The following WDR54 variants were observed in gnomAD, a reference collection of about 807,000 sequenced individuals.
WDR54 encodes WD repeat-containing protein 54.
In WDR54, 44 loss-of-function variants were observed where a neutral mutation model predicts 44.1. The ratio of observed to expected loss-of-function variants is 1.00; its 90% CI spans 0.78 to 1.28. The LOEUF is 1.28. WDR54 is among the 50% of genes most tolerant of loss of function. The pLI, the probability that WDR54 is intolerant of heterozygous loss-of-function variation, is 0.00. For synonymous variants in WDR54, 169 were observed against 169.8 expected (o/e 1.00, Z 0.04); for missense variants, 409 against 429.7 (o/e 0.95, Z 0.43).
chr2:74,422,765 C>G, intron 2 of WDR54, 105 bp from the exon 3 acceptor site: 2 of 1,135,212 alleles, frequency 1.8e-6, no homozygotes, highest in Non-Finnish European at 2.6e-6. Context: ...TGCACTCCAG[C>G]CTGGGCCACA....
chr2:74,425,342 G>A (rs1200679491), intron 8 of WDR54, 75 bp from the exon 9 acceptor site: 1 of 1,593,984 alleles, frequency 6.3e-7, no homozygotes, highest in East Asian at 2.2e-5. Flanking sequence ...CCTCCCCTGG[G>A]GCACCTGGAC....
At chr2:74,421,920 G>T (rs1459736291) in intron 1 of WDR54, 104 bp downstream of exon 1, 8 of 615,688 alleles carry the variant, frequency 1.3e-5, no homozygotes, top group Non-Finnish European at 2.4e-5. Flanking sequence ...GGGGCCATCG[G>T]GTGGTCCTGT....
chr2:74,423,690 C>A, intron 5 of WDR54, 159 bp downstream of exon 5: 1 of 1,420,574 alleles, frequency 7.0e-7, no homozygotes, highest in Non-Finnish European at 9.7e-7. Context: ...TTCAGAGGGT[C>A]AGGGTGGGAT....
Position 74,422,874 on chromosome 2 carries a change from A to T in WDR54, c.227A>T (p.His76Leu). 1 of 1,612,830 alleles carries T rather than the reference A, an allele frequency of 6.2e-7. No homozygotes were observed. ...GVSPPLITQV[H>L]WCVLPFRVLL... Reference sequence around the variant, plus strand: ...CACTGATGCACCTCCCTCCAGGTCCACTGGTGTGTCCTCCCCTTCCGAGTG... The same window carrying T: ...CACTGATGCACCTCCCTCCAGGTCCTCTGGTGTGTCCTCCCCTTCCGAGTG... Residue 76 changes from histidine (H) to leucine (L), a missense_variant, in exon 3 of 10, where the codon CAC becomes CTC. His to Leu is a moderately conservative substitution (Grantham distance 99). Coordinates refer to ENST00000348227, the MANE Select transcript of WDR54 (RefSeq NM_032118.4).
chr2:74,424,631 A>AC (rs1239221220), intron 6 of WDR54, among the ~76,000 whole-genome samples: 1 of 152,054 alleles, frequency 6.6e-6, no homozygotes, highest in East Asian at 1.9e-4. Context: ...GCAATTATGC[A>AC]CCCCCTCCTA....
chr2:74,424,743 A>G, intron 6 of WDR54, 132 bp from the exon 7 acceptor site: 2 of 1,081,704 alleles, frequency 1.8e-6, no homozygotes, highest in Non-Finnish European at 2.8e-6. Context: ...GGGTCTAGCT[A>G]GTGAGAGCTC....
chr2:74,422,076 C>A, intron 1 of WDR54, 77 bp from the exon 2 acceptor site: 1 of 1,471,434 alleles, frequency 6.8e-7, no homozygotes, highest in Non-Finnish European at 9.4e-7. Flanking sequence ...CCGAAATGCT[C>A]GATGATAGCC....
chr2:74,424,681 A>C (rs1052924777), intron 6 of WDR54, among the ~76,000 whole-genome samples, 194 bp from the exon 7 acceptor site: 8 of 152,214 alleles, frequency 5.3e-5, no homozygotes, highest in Non-Finnish European at 1.2e-4. Flanking sequence ...AAATTCAAGG[A>C]AAGCAGTTCA....
intron 1 of WDR54, 120 bp from the exon 2 acceptor site, chr2:74,422,033 C>A: frequency 9.6e-7 from 1 of 1,037,858 alleles, no homozygotes; most frequent in Non-Finnish European, 1.4e-6. Flanking sequence ...GTCCTCTGGG[C>A]ACCCCATCCT....
rs201655042 is a variant in WDR54 at position 74,424,997 on chromosome 2, G to A, written c.635+22G>A. The stretch of plus-strand genomic sequence containing the variant: ...TTGGGTAGGTGAGGCAGAAAGGGTA[G>A]AGGGCTTCCTGAGATAGCTTCAGGC... On this transcript the variant is annotated intron_variant, in intron 7 of 9. Transcript: ENST00000348227. 3.8e-4 allele frequency: 621 copies of A among 1,614,204 alleles called. 8 individuals are homozygous for A. In the East Asian group the frequency reaches 9.3e-3, roughly 24 times the overall value.
chr2:74,425,517 G>A (rs200063277), intron 9 of WDR54, 26 bp downstream of exon 9: 1 of 1,614,074 alleles, frequency 6.2e-7, no homozygotes, highest in Admixed American at 1.7e-5. Flanking sequence ...TGGGTGGAAT[G>A]GGGGGGCCCA....
In WDR54 at chr2:74,425,750, C is replaced by T. The variant is rs1390356049; in HGVS notation, c.*49C>T. The T allele has an allele frequency of 1.1e-5, 17 of 1,612,254 alleles. No homozygotes were observed. Among genetic ancestry groups the T allele is most frequent in the Admixed American group, 5.0e-5 (3 of 59,988 alleles). Reference sequence around the variant, plus strand: ...TGTGGTATTCATAAAGTACCCGCTCCACCCAGCCTTTGTCTGATTACTCAG... The same window carrying T: ...TGTGGTATTCATAAAGTACCCGCTCTACCCAGCCTTTGTCTGATTACTCAG... On this transcript the variant is annotated 3_prime_UTR_variant, in exon 10 of 10. Coordinates refer to ENST00000348227, the MANE Select transcript of WDR54 (RefSeq NM_032118.4).
rs745939293 is a variant in WDR54, at chr2:74,422,258, C to T, written c.105C>T (p.Gly35=). The change falls in exon 2 of 10, where the codon GGC becomes GGT. Residue 35 remains glycine (G), a synonymous_variant. Transcript: ENST00000348227. ...QLPARNLTYF[G]VVHGPSAQLL... is the part of the protein sequence containing the mutation. Reference sequence around the variant, plus strand: ...CGGCTCGCAACCTCACGTATTTTGGCGTGGTTCATGGACCAAGCGCCCAGC... The same window carrying T: ...CGGCTCGCAACCTCACGTATTTTGGTGTGGTTCATGGACCAAGCGCCCAGC... 1.2e-6 allele frequency: 2 copies of T among 1,614,062 alleles called. No homozygotes were observed. The highest frequency in any genetic ancestry group is 1.7e-6 in the Non-Finnish European group (2 of 1,180,050).
intron 2 of WDR54, 99 bp downstream of exon 2, chr2:74,422,474 C>A (rs1670157338): frequency 7.4e-7 from 1 of 1,357,720 alleles, no homozygotes; most frequent in Non-Finnish European, 1.0e-6. Context: ...ACCTCAGAAT[C>A]TCCCCAGGCA....
In WDR54 at chr2:74,423,397, AC is replaced by A. The variant is rs1670211450; in HGVS notation, c.352+14del. On this transcript the variant is annotated intron_variant, in intron 4 of 9. Transcript: ENST00000348227. ...AGATGCCTCCCCAGGTACCTGCAGG[AC>A]CAAGTGGGGTGGGGGCAGGGAGTGT... 1 of 1,614,014 alleles carries A rather than the reference AC, an allele frequency of 6.2e-7. No individual in the cohort carries two copies. The highest frequency in any genetic ancestry group is 8.5e-7 in the Non-Finnish European group (1 of 1,180,024).
chr2:74,422,794 CAA>C (rs1164877169), intron 2 of WDR54, 74 bp from the exon 3 acceptor site: 181 of 1,049,552 alleles, frequency 1.7e-4, no homozygotes, highest in African/African-American at 2.9e-4. Context: ...CTCCGTCCCC[CAA>C]AAAAAAAAAA....
In WDR54 at chr2:74,423,872, G is replaced by A. The variant is rs765132504; in HGVS notation, c.424G>A (p.Val142Met). 19 of 1,614,066 alleles carry A rather than the reference G, an allele frequency of 1.2e-5. No homozygotes were observed. The highest frequency in any genetic ancestry group is 1.7e-5 in the Admixed American group (1 of 60,008). Residue 142 changes from valine (V) to methionine (M), a missense_variant, in exon 6 of 10, where the codon GTG (valine) becomes ATG (methionine). Val to Met is a conservative substitution (Grantham distance 21). Coordinates refer to ENST00000348227, the MANE Select transcript of WDR54 (RefSeq NM_032118.4). ...GGATACAGGAACGTGGTCAGGCCGG[G>A]TGCTGGTGTTTGACATCCCAGCAAA... ...FICVGTWSGR[V>M]LVFDIPAKGP...
chr2:74,423,263 G>T, intron 3 of WDR54, 56 bp from the exon 4 acceptor site: 1 of 1,578,176 alleles, frequency 6.3e-7, no homozygotes, highest in Non-Finnish European at 8.7e-7. Flanking sequence ...GATATGTGAA[G>T]TACTCAGCAG....
intron 6 of WDR54, among the ~76,000 whole-genome samples, chr2:74,424,532 A>T (rs1242280361): frequency 6.6e-6 from 1 of 152,208 alleles, no homozygotes; most frequent in Non-Finnish European, 1.5e-5. Flanking sequence ...GCAGGGGCCC[A>T]GGGTCTAGTC....
Sources: allele counts gnomAD v4.1 joint callset (sites outside exome capture counted in the v4.1 genomes callset), GRCh38; gene constraint gnomAD v4.1.1; transcripts MANE v1.5; gene names NCBI Gene and HGNC (gene_info 2026-07-23, HGNC 2026-07-21).